Variants in EVPL observed in about 807,000 individuals in gnomAD.
The protein encoded by EVPL is envoplakin.
EVPL carries 94 observed loss-of-function variants against 129.7 expected under a neutral mutation model. The ratio of observed to expected loss-of-function variants is 0.72; its 90% CI spans 0.61 to 0.86. The LOEUF is 0.86. Ranked by LOEUF, EVPL falls within the 40% of genes least tolerant of loss-of-function variation. The pLI is 0.00. For missense variants in EVPL, 2,625 were observed against 2,721.1 expected (o/e 0.96, Z 0.79); for synonymous variants, 1,172 against 1,191.1 (o/e 0.98, Z 0.33).
intron 2 of EVPL, 47 bp from the exon 3 acceptor site, chr17:76,023,701 A>C: frequency 6.7e-7 from 1 of 1,486,756 alleles, no homozygotes; most frequent in South Asian, 1.3e-5. Context: ...GAGCCCCCAC[A>C]CCCCTGCTGC....
chr17:76,019,786 CA>C (rs2066444933), intron 9 of EVPL, 133 bp from the exon 10 acceptor site: 1 of 1,160,340 alleles, frequency 8.6e-7, no homozygotes, highest in Middle Eastern at 2.0e-4. Flanking sequence ...ACCAGCTAAA[CA>C]CAAACCAGAT....
At chr17:76,026,844 C>T (rs1316012091) in intron 1 of EVPL, among the ~76,000 whole-genome samples, 3 of 152,260 alleles carry the variant, frequency 2.0e-5, no homozygotes, top group East Asian at 1.9e-4. Flanking sequence ...ATCCGTGGCC[C>T]TCAGGCCCCC....
At chr17:76,018,381 T>C (rs1436078874) in intron 12 of EVPL, 65 bp downstream of exon 12, 1 of 1,548,344 alleles carries the variant, frequency 6.5e-7, no homozygotes, top group Non-Finnish European at 8.7e-7. Flanking sequence ...GCCATGGGCT[T>C]GGACACCGCA....
Position 76,014,469 on chromosome 17 carries a change from C to A in EVPL, c.2330G>T (p.Ser777Ile), listed in dbSNP as rs867480129. ...GTAGGCGATCTGGCTGGGGCCGTCG[C>A]TGGGCCGCACCTGGCTGCGGGGCAG... ...EHLPRSQVRP[S>I]DGPSQIAYKL... The change falls in exon 18 of 22, where the codon AGC becomes ATC. Residue 777 changes from serine to isoleucine, a missense_variant. By Grantham distance (142) the Ser-to-Ile change is moderately radical. Transcript: ENST00000301607. The A allele has an allele frequency of 1.2e-6, 2 of 1,611,954 alleles. No individual in the cohort carries two copies. Among genetic ancestry groups the A allele is most frequent in the Non-Finnish European group, 8.5e-7 (1 of 1,179,472 alleles).
chr17:76,022,257 G>T lies in EVPL; in HGVS notation c.607-30C>A. 2 of 1,612,444 alleles carry T rather than the reference G, an allele frequency of 1.2e-6. No homozygotes were observed. The highest frequency in any genetic ancestry group is 1.7e-6 in the Non-Finnish European group (2 of 1,179,556). On this transcript the variant is annotated intron_variant, in intron 5 of 21. Transcript: ENST00000301607. The surrounding 1 kb of genome is among the most constrained non-coding windows in gnomAD (Gnocchi z 5.6). Reference sequence around the variant, plus strand: ...CTCGACCAAGGGGAGAAACAAGCCCGTGAGAGGTGGGGTGCAGGGAGACGG... The same window carrying T: ...CTCGACCAAGGGGAGAAACAAGCCCTTGAGAGGTGGGGTGCAGGGAGACGG...
At chr17:76,018,723 G>A in intron 11 of EVPL, 123 bp from the exon 12 acceptor site, 1 of 1,242,188 alleles carries the variant, frequency 8.1e-7, no homozygotes, top group Non-Finnish European at 1.1e-6. Flanking sequence ...CAAGAGTAGG[G>A]TGGGAGGTGC....
Position 76,009,925 on chromosome 17 carries a change from C to T in EVPL, c.3280G>A (p.Ala1094Thr). 1.2e-6 allele frequency: 2 copies of T among 1,614,178 alleles called. No homozygotes were observed. Among genetic ancestry groups the T allele is most frequent in the Non-Finnish European group, 1.7e-6 (2 of 1,180,038 alleles). The change falls in exon 22 of 22, where the codon GCT becomes ACT. Residue 1094 changes from alanine to threonine, a missense_variant. This residue lies in a region of EVPL where 1,453 missense variants were observed against 1,511.8 expected (regional missense o/e 0.96). Coordinates refer to ENST00000301607, the MANE Select transcript of EVPL (RefSeq NM_001988.4). The surrounding 1 kb of genome is among the most constrained non-coding windows in gnomAD (Gnocchi z 5.9). ...TCCTCCTCCATCTGCAGCCTCAGAGCCTGGGCTGCCTTGACCATTTCCAGA... is the reference window on the plus strand; with the variant it reads ...TCCTCCTCCATCTGCAGCCTCAGAGTCTGGGCTGCCTTGACCATTTCCAGA... ...KNLEMVKAAQ[A>T]LRLQMEEDAA...
intron 1 of EVPL, among the ~76,000 whole-genome samples, chr17:76,026,862 A>G (rs1312630797): frequency 6.6e-6 from 1 of 152,180 alleles, no homozygotes; most frequent in Non-Finnish European, 1.5e-5. Flanking sequence ...CCCTTAGAGG[A>G]TGTAGGGAGC....
chr17:76,009,829 C>T lies in EVPL; in HGVS notation c.3376G>A (p.Ala1126Thr), dbSNP rs149596756. 39 of 1,613,890 alleles carry T rather than the reference C, an allele frequency of 2.4e-5. No individual in the cohort carries two copies. The highest frequency in any genetic ancestry group is 3.2e-5 in the Non-Finnish European group (38 of 1,180,010). Residue 1126 changes from alanine to threonine, a missense_variant, in exon 22 of 22, where the codon GCT becomes ACT. This residue lies in a region of EVPL where 1,453 missense variants were observed against 1,511.8 expected (regional missense o/e 0.96). Transcript: ENST00000301607. The surrounding 1 kb of genome is among the most constrained non-coding windows in gnomAD (Gnocchi z 5.9). ...LQARIEDLER[A>T]ISSVEPKVIV... Reference sequence around the variant, plus strand: ...ACCTTGGGCTCCACCGAGCTGATAGCCCGCTCCAGGTCTTCGATGCGAGCC... The same window carrying T: ...ACCTTGGGCTCCACCGAGCTGATAGTCCGCTCCAGGTCTTCGATGCGAGCC...
Position 76,007,946 on chromosome 17 carries a change from G to A in EVPL, c.5259C>T (p.Leu1753=). The A allele has an allele frequency of 6.2e-7, 1 of 1,614,120 alleles. No individual in the cohort carries two copies. Among genetic ancestry groups the A allele is most frequent in the East Asian group, 2.2e-5 (1 of 44,886 alleles). Residue 1753 remains leucine (L), a synonymous_variant, in exon 22 of 22, where the codon CTC becomes CTT. Transcript: ENST00000301607. The surrounding 1 kb of genome is among the most constrained non-coding windows in gnomAD (Gnocchi z 8.8). ...SGKQYSIEAA[L]RCRRISKEEY... ...CCTCCTTAGAGATGCGCCGGCAGCG[G>A]AGGGCGGCCTCGATGGAGTACTGCT...
At chr17:76,018,033 C>T in intron 13 of EVPL, 122 bp from the exon 14 acceptor site, 1 of 1,534,728 alleles carries the variant, frequency 6.5e-7, no homozygotes, top group South Asian at 1.2e-5. Flanking sequence ...CAGGGCCACC[C>T]CAGAGATGAA....
Position 76,018,265 on chromosome 17 carries a change from T to C in EVPL, c.1440-7A>G, listed in dbSNP as rs2144424016. On this transcript the variant is annotated splice_region_variant and splice_polypyrimidine_tract_variant and intron_variant, in intron 12 of 21. Coordinates refer to ENST00000301607, the MANE Select transcript of EVPL (RefSeq NM_001988.4). Reference sequence around the variant, plus strand: ...CTGCAGCTCTGAGGCCAGCCTAGAATGAAGAGGAGATTGAAGAAAGAGGTC... The same window carrying C: ...CTGCAGCTCTGAGGCCAGCCTAGAACGAAGAGGAGATTGAAGAAAGAGGTC... The C allele has an allele frequency of 2.6e-6, 4 of 1,534,250 alleles. No individual in the cohort carries two copies. The highest frequency in any genetic ancestry group is 2.6e-6 in the Non-Finnish European group (3 of 1,137,074).
At chr17:76,025,186 G>A (rs1399423680) in intron 1 of EVPL, among the ~76,000 whole-genome samples, 1 of 152,226 alleles carries the variant, frequency 6.6e-6, no homozygotes. Context: ...AAATATCTAT[G>A]CCTTAGGGCT....
rs567677904 is a variant in EVPL at position 76,017,598 on chromosome 17, T to G, written c.1710+141A>C. ...TGGAGGAGCCAGGAGGGGAACCAGCTTGTCTGAGCCCGGGTCTGTCCACAC... is the reference window on the plus strand; with the variant it reads ...TGGAGGAGCCAGGAGGGGAACCAGCGTGTCTGAGCCCGGGTCTGTCCACAC... On this transcript the variant is annotated intron_variant, in intron 14 of 21. Transcript: ENST00000301607. The G allele has an allele frequency of 4.1e-6, 5 of 1,208,830 alleles. No homozygotes were observed. The South Asian group carries it at 4.7e-5, about 11-fold the overall frequency. The allele number at this position is 1,208,830 out of a possible 1,614,324, so 74.9% of individuals were successfully genotyped here. A position where few individuals can be genotyped will look rare whatever the true frequency, so the allele number is the denominator to read the frequency against.
At chr17:76,023,204 A>T in intron 4 of EVPL, 88 bp downstream of exon 4, 1 of 1,576,874 alleles carries the variant, frequency 6.3e-7, no homozygotes, top group Non-Finnish European at 8.6e-7. Flanking sequence ...CTACACCCTG[A>T]CTATTCAAGC....
rs2066409886 is a variant in EVPL, at chr17:76,015,242, C to A, written c.2013G>T (p.Arg671Ser). The A allele has an allele frequency of 6.3e-7, 1 of 1,597,090 alleles. No homozygotes were observed. The highest frequency in any genetic ancestry group is 1.7e-5 in the Admixed American group (1 of 59,038). ...GGTCCCTTACCTGCAGCTCGCTGAC[C>A]CTCTCCTGCAGAGCCCCCGGTTCAG... ...IPAEPGALQE[R>S]VSELQRQRRE... The change falls in exon 16 of 22, where the codon AGG (arginine) becomes AGT (serine). Residue 671 changes from arginine to serine, a missense_variant. By Grantham distance (110) the Arg-to-Ser change is moderately radical. Around this residue, in one of 4 missense-constraint regions of EVPL, gnomAD observed 1,024 missense variants for 997.5 expected, o/e 1.03. Transcript: ENST00000301607.
intron 18 of EVPL, among the ~76,000 whole-genome samples, chr17:76,012,501 G>T (rs916719293): frequency 5.3e-5 from 8 of 151,950 alleles, no homozygotes; most frequent in Admixed American, 5.2e-4. Flanking sequence ...CGCCATGTTG[G>T]CAAGGCTGGT....
Position 76,021,716 on chromosome 17 carries a change from C to T in EVPL, c.873G>A (p.Glu291=), listed in dbSNP as rs777830209. The part of the protein sequence containing the change: ...QSVNQLEDDG[E]RMVELRHPAV... The stretch of plus-strand genomic sequence containing the variant: ...CGGGGTGCCGCAGCTCCACCATGCG[C>T]TCGCCGTCGTCCTCCAGCTGGTTCA... The change falls in exon 8 of 22, where the codon GAG becomes GAA. Residue 291 remains glutamate (E), a synonymous_variant. Transcript: ENST00000301607. 2.5e-6 allele frequency: 4 copies of T among 1,610,494 alleles called. No homozygotes were observed. In the African/African-American group the frequency reaches 4.0e-5, roughly 16 times the overall value.
In EVPL at chr17:76,008,464, G is replaced by A. The variant is rs1399660449; in HGVS notation, c.4741C>T (p.Leu1581=). The part of the protein sequence containing the change: ...GRTWSREESE[L]QRARDQADQE... ...TCGGCCTGGTCCCGGGCCCTCTGCA[G>A]CTCGGACTCCTCCCGGGACCAGGTT... The change falls in exon 22 of 22, where the codon CTG becomes TTG. Residue 1581 remains leucine (L), a synonymous_variant. Coordinates refer to ENST00000301607, the MANE Select transcript of EVPL (RefSeq NM_001988.4). This position sits in a 1 kb window ranked among gnomAD's most constrained non-coding sequence, Gnocchi z 7.4. The A allele has an allele frequency of 2.5e-6, 4 of 1,595,602 alleles. No individual in the cohort carries two copies. Among genetic ancestry groups the A allele is most frequent in the Non-Finnish European group, 3.4e-6 (4 of 1,176,184 alleles).
Sources: gnomAD v4.1 joint callset for allele counts (sites outside exome capture counted in the v4.1 genomes callset) on GRCh38, gnomAD v4.1.1 for gene constraint, gnomAD v4.1.1 regional missense constraint, Gnocchi (gnomAD v3.1) non-coding constraint, MANE v1.5 for transcripts, NCBI Gene and HGNC (gene_info 2026-07-23, HGNC 2026-07-21) for gene names.